The following LRRC7 variants were observed in gnomAD, a reference collection of about 807,000 sequenced individuals.
LRRC7 encodes leucine-rich repeat-containing protein 7.
LRRC7 carries 23 observed loss-of-function variants against 175.7 expected under a neutral mutation model. The observed-to-expected ratio is 0.13, with a 90% CI of 0.09 to 0.19. The LOEUF (loss-of-function observed/expected upper bound fraction) is 0.19. LRRC7 is among the 10% of genes least tolerant of loss of function. LRRC7 has a pLI of 1.00. For synonymous variants in LRRC7, 685 were observed against 680.9 expected, an observed-to-expected ratio of 1.01 and a Z score of -0.09; for missense variants, 1,354 against 1,904.7, an observed-to-expected ratio of 0.71 and a Z score of 5.38.
chr1:69,644,648 A>G (rs1317002381), intron 1 of LRRC7, among the ~76,000 whole-genome samples: 11 of 152,024 alleles, frequency 7.2e-5, no homozygotes, highest in Admixed American at 6.6e-5. Flanking sequence ...CACACGTTCA[A>G]AAAATACTGG....
intron 26 of LRRC7, among the ~76,000 whole-genome samples, chr1:70,113,374 T>C (rs916859024): frequency 1.3e-5 from 2 of 152,112 alleles, no homozygotes; most frequent in Non-Finnish European, 2.9e-5. Flanking sequence ...ACAAAGCCCA[T>C]GCACTAAATC....
intron 1 of LRRC7, among the ~76,000 whole-genome samples, chr1:69,609,887 C>T (rs1407004008): frequency 6.6e-6 from 1 of 151,872 alleles, no homozygotes; most frequent in Non-Finnish European, 1.5e-5. Context: ...AGCTGTATTC[C>T]AGAAAATTTT....
intron 23 of LRRC7, among the ~76,000 whole-genome samples, chr1:70,055,135 A>G (rs1661050523): frequency 1.3e-5 from 2 of 152,170 alleles, no homozygotes; most frequent in Admixed American, 1.3e-4. Context: ...TCAGCACCAC[A>G]GGTAAATATA....
At chr1:70,027,200 G>T (rs1658211349) in intron 17 of LRRC7, among the ~76,000 whole-genome samples, 1 of 152,094 alleles carries the variant, frequency 6.6e-6, no homozygotes, top group African/African-American at 2.4e-5. Flanking sequence ...ATGCAAAACA[G>T]TATTGTTGGA....
chr1:70,125,724 G>A lies in LRRC7; in HGVS notation c.*3837G>A, dbSNP rs1299441241. ...GGAGAATGGCGTGAACCCAGGAGGC[G>A]GAGCTTGCAGTGAGCCGAGATCCCG... On this transcript the variant is annotated 3_prime_UTR_variant, in exon 27 of 27. Coordinates refer to ENST00000651989, the MANE Select transcript of LRRC7 (RefSeq NM_001370785.2). Among the ~76,000 whole-genome samples, 2 of 142,652 alleles carry A rather than the reference G, an allele frequency of 1.4e-5. No individual in the cohort carries two copies. Among genetic ancestry groups the A allele is most frequent in the South Asian group, 2.3e-4 (1 of 4,256 alleles). 93.6% of individuals were successfully genotyped at this position (142,652 alleles called of 152,430 possible).
intron 4 of LRRC7, among the ~76,000 whole-genome samples, chr1:69,810,028 G>A (rs903309394): frequency 3.3e-5 from 5 of 152,128 alleles, no homozygotes; most frequent in Admixed American, 1.3e-4. Flanking sequence ...AAACCCCATC[G>A]TCTCAGCCCA....
chr1:70,112,005 T>C (rs1034076732), intron 26 of LRRC7, among the ~76,000 whole-genome samples: 1 of 152,192 alleles, frequency 6.6e-6, no homozygotes, highest in African/African-American at 2.4e-5. Flanking sequence ...ATTTTAAGGG[T>C]TTTGGAATTT....
intron 3 of LRRC7, among the ~76,000 whole-genome samples, chr1:69,779,392 A>G (rs895143880): frequency 1.3e-5 from 2 of 152,206 alleles, no homozygotes; most frequent in East Asian, 1.9e-4. Context: ...ACATTTTTCT[A>G]TTTCATTGTG....
chr1:69,592,422 C>T (rs951774137), intron 1 of LRRC7, among the ~76,000 whole-genome samples: 1 of 151,782 alleles, frequency 6.6e-6, no homozygotes, highest in Admixed American at 6.6e-5. Context: ...TTTTTTTACT[C>T]GAAAAAAGCT....
intron 11 of LRRC7, among the ~76,000 whole-genome samples, chr1:69,996,420 A>G (rs1654975576): frequency 6.6e-6 from 1 of 151,814 alleles, no homozygotes; most frequent in Non-Finnish European, 1.5e-5. Flanking sequence ...CCATTTGTCA[A>G]TTTTGTCTTT....
chr1:69,630,750 A>C (rs1454801399), intron 1 of LRRC7, among the ~76,000 whole-genome samples: 1 of 151,926 alleles, frequency 6.6e-6, no homozygotes, highest in Non-Finnish European at 1.5e-5. Context: ...GTGAATAAAT[A>C]TTATAATTTT....
chr1:69,678,219 A>G (rs900636922), intron 1 of LRRC7, among the ~76,000 whole-genome samples, 162 bp from the exon 2 acceptor site: 1 of 152,056 alleles, frequency 6.6e-6, no homozygotes, highest in Non-Finnish European at 1.5e-5. Flanking sequence ...TCTTCAATTT[A>G]CTATGGTCCC....
intron 2 of LRRC7, among the ~76,000 whole-genome samples, chr1:69,748,199 A>G (rs1231555438): frequency 1.3e-5 from 2 of 152,200 alleles, no homozygotes; most frequent in Non-Finnish European, 2.9e-5. Flanking sequence ...ATTAATTACA[A>G]TACTAATAAA....
intron 23 of LRRC7, among the ~76,000 whole-genome samples, chr1:70,073,077 C>T (rs923456151): frequency 2.0e-5 from 3 of 152,148 alleles, no homozygotes; most frequent in African/African-American, 7.2e-5. Flanking sequence ...ACCTCTTCCA[C>T]CCTTAGTTTT....
intron 8 of LRRC7, among the ~76,000 whole-genome samples, chr1:69,937,155 A>G (rs1648126723): frequency 6.6e-6 from 1 of 152,076 alleles, no homozygotes; most frequent in Admixed American, 6.6e-5. Context: ...GTTTTCTTGC[A>G]CCTCAATTTT....
intron 7 of LRRC7, among the ~76,000 whole-genome samples, chr1:69,855,653 G>A (rs4284213): frequency 0.55 from 83,135 of 150,046 alleles, 22,967 homozygotes; most frequent in East Asian, 0.7. Context: ...TGCTTGGTGC[G>A]GAGCTGAGTT....
rs1441277134 is a variant in LRRC7 at position 70,007,622 on chromosome 1, G to A, written c.1005-4175G>A. Among the ~76,000 whole-genome samples the A allele has an allele frequency of 4.6e-5, 7 of 152,248 alleles. No homozygotes were observed. In the East Asian group the frequency reaches 5.8e-4, roughly 13 times the overall value. On this transcript the variant is annotated intron_variant, in intron 11 of 26. Transcript: ENST00000651989. ...AGGGTTAGTTTGAACAATGCTTGCCGTCTTTTCATGATACGTTGTTAAACA... is the reference window on the plus strand; with the variant it reads ...AGGGTTAGTTTGAACAATGCTTGCCATCTTTTCATGATACGTTGTTAAACA...
intron 8 of LRRC7, among the ~76,000 whole-genome samples, chr1:69,939,743 G>C (rs1648512251): frequency 6.6e-6 from 1 of 152,030 alleles, no homozygotes; most frequent in African/African-American, 2.4e-5. Context: ...AGAGTACCCA[G>C]CTCCCAACTG....
intron 5 of LRRC7, among the ~76,000 whole-genome samples, chr1:69,829,376 G>T (rs1444837173): frequency 6.6e-6 from 1 of 151,582 alleles, no homozygotes; most frequent in East Asian, 1.9e-4. Context: ...ATTTTGGGTG[G>T]GCACATGTGA....
Sources: gnomAD v4.1 joint callset for allele counts (sites outside exome capture counted in the v4.1 genomes callset) on GRCh38, gnomAD v4.1.1 for gene constraint, MANE v1.5 for transcripts, NCBI Gene and HGNC (gene_info 2026-07-23, HGNC 2026-07-21) for gene names.